Variants in CCSER1 observed in about 807,000 individuals in gnomAD.
CCSER1 encodes the protein coiled-coil serine rich protein 1, also known as serine-rich coiled-coil domain-containing protein 1.
CCSER1 carries 41 observed loss-of-function variants against 82.0 expected under a neutral mutation model. The observed-to-expected ratio is 0.50, with a 90% CI of 0.39 to 0.65. CCSER1 has a LOEUF of 0.65. CCSER1 is among the 30% of genes least tolerant of loss of function. The probability of loss-of-function intolerance (pLI) is 0.00; values close to 1 mark genes in which losing one functional copy is unlikely to be tolerated. For missense variants in CCSER1, 1,119 were observed against 1,064.2 expected (o/e 1.05, Z -0.72); for synonymous variants, 414 against 383.9 (o/e 1.08, Z -0.92).
intron 8 of CCSER1, among the ~76,000 whole-genome samples, chr4:90,845,811 A>C (rs74537535): frequency 0.058 from 8,772 of 150,334 alleles, 494 homozygotes; most frequent in African/African-American, 0.16. Flanking sequence ...AACTGTGAAA[A>C]AAAAAAAAAC....
At chr4:91,451,811 T>C (rs1394851762) in intron 10 of CCSER1, among the ~76,000 whole-genome samples, 2 of 151,972 alleles carry the variant, frequency 1.3e-5, no homozygotes, top group Non-Finnish European at 2.9e-5. Context: ...AAAACTTTAG[T>C]AGTAAGTAAT....
chr4:91,069,669 TA>T (rs540096463), intron 9 of CCSER1, among the ~76,000 whole-genome samples: 57 of 152,288 alleles, frequency 3.7e-4, no homozygotes, highest in African/African-American at 1.3e-3. Context: ...AGCAGAAACT[TA>T]AAATTGAGTG....
At chr4:90,186,557 T>C (rs1039785490) in intron 1 of CCSER1, among the ~76,000 whole-genome samples, 1 of 151,972 alleles carries the variant, frequency 6.6e-6, no homozygotes, top group Non-Finnish European at 1.5e-5. Context: ...ACAAAGTACT[T>C]ATCATTTACC....
chr4:91,420,715 A>C (rs1427054714), intron 10 of CCSER1, among the ~76,000 whole-genome samples: 1 of 152,142 alleles, frequency 6.6e-6, no homozygotes, highest in Non-Finnish European at 1.5e-5. Flanking sequence ...TTAAATTAAT[A>C]TTTCAAAGAT....
At chr4:91,319,886 C>T (rs1033059620) in intron 10 of CCSER1, among the ~76,000 whole-genome samples, 2 of 152,004 alleles carry the variant, frequency 1.3e-5, no homozygotes, top group African/African-American at 4.8e-5. Context: ...TGTGGTCACC[C>T]ACAATCCAAA....
chr4:91,601,524 G>GTAAC lies in CCSER1; in HGVS notation c.*2469_*2472dup, dbSNP rs1168983225. On this transcript the variant is annotated 3_prime_UTR_variant, in exon 11 of 11. Transcript: ENST00000509176. ...TGTAAGTTCCTCTTGTGTATATATA[G>GTAAC]TAACTTATAACAATGGCATGTGGGC... 2.0e-5 allele frequency: 3 copies of GTAAC among 152,072 alleles called. No individual in the cohort carries two copies. The highest frequency in any genetic ancestry group is 4.4e-5 in the Non-Finnish European group (3 of 67,920). 9.4% of individuals were successfully genotyped at this position (152,072 alleles called of 1,614,324 possible).
At chr4:90,639,396 T>A (rs960838339) in intron 6 of CCSER1, among the ~76,000 whole-genome samples, 2 of 152,050 alleles carry the variant, frequency 1.3e-5, no homozygotes, top group Non-Finnish European at 2.9e-5. Flanking sequence ...TTTATGCTTT[T>A]CTGGACATAC....
At chr4:90,640,766 C>G (rs1042902676) in intron 6 of CCSER1, among the ~76,000 whole-genome samples, 4 of 152,156 alleles carry the variant, frequency 2.6e-5, no homozygotes, top group African/African-American at 9.7e-5. Flanking sequence ...CTCTGCACTT[C>G]TCCTTCCTGC....
chr4:91,347,541 T>A (rs914842320), intron 10 of CCSER1, among the ~76,000 whole-genome samples: 2 of 152,204 alleles, frequency 1.3e-5, no homozygotes, highest in Admixed American at 6.5e-5. Flanking sequence ...TTGTGTTTAA[T>A]GTATTGATCA....
At chr4:91,117,243 C>T (rs929871168) in intron 10 of CCSER1, among the ~76,000 whole-genome samples, 3 of 152,172 alleles carry the variant, frequency 2.0e-5, no homozygotes, top group African/African-American at 7.2e-5. Context: ...GACTAGAAAA[C>T]AATTGCAGAT....
At chr4:91,355,422 C>T (rs757609881) in intron 10 of CCSER1, among the ~76,000 whole-genome samples, 1 of 152,048 alleles carries the variant, frequency 6.6e-6, no homozygotes. Flanking sequence ...TAAAATGGGT[C>T]ATAACACACA....
At chr4:91,392,079 A>T (rs79907694) in intron 10 of CCSER1, among the ~76,000 whole-genome samples, 4,766 of 152,162 alleles carry the variant, frequency 0.031, 236 homozygotes, top group African/African-American at 0.11. Context: ...GTCACATCAT[A>T]GTATTGAGTT....
At chr4:90,381,217 T>G (rs1578194775) in intron 3 of CCSER1, among the ~76,000 whole-genome samples, 1 of 152,338 alleles carries the variant, frequency 6.6e-6, no homozygotes, top group South Asian at 2.1e-4. Flanking sequence ...ATATGCAGGA[T>G]AATTAGGGCA....
chr4:91,107,955 CT>C (rs1725788688), intron 10 of CCSER1: 1 of 152,078 alleles, frequency 6.6e-6, no homozygotes, highest in Non-Finnish European at 1.5e-5. Flanking sequence ...TCAGCTTTTC[CT>C]TTTGATTTTC....
At chr4:90,158,243 C>G (rs1728686699) in intron 1 of CCSER1, among the ~76,000 whole-genome samples, 1 of 152,136 alleles carries the variant, frequency 6.6e-6, no homozygotes, top group African/African-American at 2.4e-5. Flanking sequence ...GAAGTTTTGT[C>G]TCAGAGGAGT....
chr4:91,077,965 C>T (rs1024182447), intron 9 of CCSER1, among the ~76,000 whole-genome samples: 2 of 152,228 alleles, frequency 1.3e-5, no homozygotes, highest in South Asian at 2.1e-4. Flanking sequence ...GGGTGGAGCC[C>T]ACCACAGCTC....
At chr4:91,083,487 A>G (rs545154571) in intron 9 of CCSER1, among the ~76,000 whole-genome samples, 2 of 152,278 alleles carry the variant, frequency 1.3e-5, no homozygotes, top group Non-Finnish European at 2.9e-5. Flanking sequence ...CAGCACACCA[A>G]CATGGCACAT....
At chr4:90,528,106 G>A (rs1774020082) in intron 5 of CCSER1, among the ~76,000 whole-genome samples, 1 of 152,108 alleles carries the variant, frequency 6.6e-6, no homozygotes, top group South Asian at 2.1e-4. Flanking sequence ...TTTATCCTAG[G>A]TGGTAGAACA....
intron 1 of CCSER1, among the ~76,000 whole-genome samples, chr4:90,146,643 T>A (rs917842924): frequency 2.0e-5 from 3 of 152,134 alleles, no homozygotes; most frequent in African/African-American, 7.2e-5. Context: ...TGGCTTAGTG[T>A]AATTTTATGT....
Sources: allele counts gnomAD v4.1 joint callset (sites outside exome capture counted in the v4.1 genomes callset), GRCh38; gene constraint gnomAD v4.1.1; transcripts MANE v1.5; gene names NCBI Gene and HGNC (gene_info 2026-07-23, HGNC 2026-07-21).